C13orf42: variants seen among roughly 807,000 people sequenced by gnomAD.
C13orf42 encodes the protein uncharacterized protein C13orf42.
chr13:51,130,443 T>C (rs1171764567), intron 1 of C13orf42, among the ~76,000 whole-genome samples: 1 of 152,236 alleles, frequency 6.6e-6, no homozygotes, highest in Non-Finnish European at 1.5e-5. Flanking sequence ...GTAAAATGAC[T>C]GGTTGTTTAA....
At chr13:51,114,125 G>A (rs1333767760), upstream of C13orf42, among the ~76,000 whole-genome samples, 1 of 152,190 alleles carries the variant, frequency 6.6e-6, no homozygotes, top group Non-Finnish European at 1.5e-5. Context: ...AGGTGTAGAA[G>A]AGCTGACTGA....
chr13:51,147,356 C>T (rs2138035270), intron 1 of C13orf42, among the ~76,000 whole-genome samples: 1 of 152,294 alleles, frequency 6.6e-6, no homozygotes, highest in South Asian at 2.1e-4. Context: ...GGGGCAGGGG[C>T]CTGGGTCCCA....
intron 1 of C13orf42, among the ~76,000 whole-genome samples, chr13:51,130,647 G>C (rs894962210): frequency 3.3e-5 from 5 of 151,810 alleles, no homozygotes; most frequent in African/African-American, 9.7e-5. Flanking sequence ...GACACATGGA[G>C]TTAGACAACG....
chr13:51,106,415 C>A (rs977741969), intron 1 of C13orf42, among the ~76,000 whole-genome samples: 12 of 152,138 alleles, frequency 7.9e-5, no homozygotes, highest in Non-Finnish European at 1.5e-5. Flanking sequence ...ACTCTTGCAT[C>A]TTCTAGGTTA....
upstream of C13orf42, among the ~76,000 whole-genome samples, chr13:51,115,985 C>G (rs139054242): frequency 6.6e-6 from 1 of 152,008 alleles, no homozygotes; most frequent in Non-Finnish European, 1.5e-5. Flanking sequence ...TCCCTGGGCT[C>G]GGCCCTCCAC....
At chr13:51,163,883 G>A (rs7331971) in intron 1 of C13orf42, among the ~76,000 whole-genome samples, 2,577 of 152,166 alleles carry the variant, frequency 0.017, 73 homozygotes, top group African/African-American at 0.058. Context: ...ATGAAACACC[G>A]CAAGTGTTTA....
intron 1 of C13orf42, among the ~76,000 whole-genome samples, chr13:51,122,834 C>T (rs548982286): frequency 1.3e-5 from 2 of 152,272 alleles, no homozygotes; most frequent in African/African-American, 4.8e-5. Flanking sequence ...TTCTGATTAT[C>T]ATGTTAGAAA....
chr13:51,102,690 T>C (rs1283752646), intron 1 of C13orf42, among the ~76,000 whole-genome samples: 1 of 152,190 alleles, frequency 6.6e-6, no homozygotes, highest in Non-Finnish European at 1.5e-5. Flanking sequence ...TTCCTCTGAC[T>C]GTGGTGAGTG....
At chr13:51,135,743 C>G (rs9596465) in intron 1 of C13orf42, among the ~76,000 whole-genome samples, 10 of 152,070 alleles carry the variant, frequency 6.6e-5, no homozygotes, top group South Asian at 2.1e-4. Context: ...ATTCCTCCCC[C>G]ACCCTGGCTT....
chr13:51,150,110 G>A (rs1250373019), intron 1 of C13orf42, among the ~76,000 whole-genome samples: 3 of 152,198 alleles, frequency 2.0e-5, no homozygotes, highest in Non-Finnish European at 4.4e-5. Flanking sequence ...TAACAGAATT[G>A]CACAAGAATT....
At chr13:51,121,204 A>C (rs1953532705) in intron 1 of C13orf42, among the ~76,000 whole-genome samples, 1 of 152,164 alleles carries the variant, frequency 6.6e-6, no homozygotes, top group African/African-American at 2.4e-5. Context: ...CGAAGGATTC[A>C]CCAAGCAGAT....
At chr13:51,164,247 A>C (rs1462012298) in intron 1 of C13orf42, among the ~76,000 whole-genome samples, 1 of 152,206 alleles carries the variant, frequency 6.6e-6, no homozygotes, top group Non-Finnish European at 1.5e-5. Context: ...ACTGGACTGT[A>C]AGCTCCACTA....
At chr13:51,121,591 A>C (rs1004668864) in intron 1 of C13orf42, among the ~76,000 whole-genome samples, 9 of 145,792 alleles carry the variant, frequency 6.2e-5, no homozygotes, top group African/African-American at 2.3e-4. Flanking sequence ...GCTGGAGTGC[A>C]GTGGCGTGGT....
chr13:51,152,383 T>C (rs1182243522), intron 1 of C13orf42, among the ~76,000 whole-genome samples: 2 of 152,254 alleles, frequency 1.3e-5, no homozygotes, highest in Admixed American at 1.3e-4. Flanking sequence ...GGTCTCACTC[T>C]GTTGCCAGGG....
chr13:51,084,245 G>A lies in C13orf42; in HGVS notation c.884C>T (p.Pro295Leu), dbSNP rs1953097295. The change falls in exon 4 of 4, where the codon CCC becomes CTC. Residue 295 changes from proline to leucine, a missense_variant. Pro to Leu is a moderately conservative substitution (Grantham distance 98). Transcript: ENST00000563710. Reference protein sequence around the residue: ...EWDAELFALEPQLSPGEDYYE... With the variant: ...EWDAELFALELQLSPGEDYYE... ...GTAGTCCTCCCCAGGAGACAACTGG[G>A]GCTCCAACGCAAAGAGCTCTGCATC... is the stretch of plus-strand genomic sequence containing the variant. 6 of 398,578 alleles carry A rather than the reference G, an allele frequency of 1.5e-5. No homozygotes were observed. Among genetic ancestry groups the A allele is most frequent in the Admixed American group, 4.4e-5 (1 of 22,710 alleles). 24.7% of individuals were successfully genotyped at this position (398,578 alleles called of 1,614,324 possible).
chr13:51,130,862 A>AAAATAT (rs1555267618), intron 1 of C13orf42, among the ~76,000 whole-genome samples: 1 of 148,172 alleles, frequency 6.7e-6, no homozygotes, highest in African/African-American at 2.5e-5. Context: ...GTAAAAAAAA[A>AAAATAT]ATATATATAT....
chr13:51,131,523 A>G (rs1426388427), intron 1 of C13orf42, among the ~76,000 whole-genome samples: 1 of 152,186 alleles, frequency 6.6e-6, no homozygotes, highest in African/African-American at 2.4e-5. Flanking sequence ...GTTATCTGGG[A>G]AAAGGCCTAA....
chr13:51,153,630 CTTTTTTTTT>C (rs1206289963), intron 1 of C13orf42, among the ~76,000 whole-genome samples: 68 of 81,244 alleles, frequency 8.4e-4, no homozygotes, highest in Admixed American at 6.6e-3. Flanking sequence ...TGTTTTTTTT[CTTTTTTTTT>C]TTTTTTTTTT....
At chr13:51,136,046 G>A (rs1593547484) in intron 1 of C13orf42, among the ~76,000 whole-genome samples, 1 of 152,252 alleles carries the variant, frequency 6.6e-6, no homozygotes, top group Non-Finnish European at 1.5e-5. Flanking sequence ...TCACGGGTGA[G>A]AGTTAAGAGT....
Sources: gnomAD v4.1 joint callset for allele counts (sites outside exome capture counted in the v4.1 genomes callset) on GRCh38, gnomAD v4.1.1 for gene constraint, MANE v1.5 for transcripts, NCBI Gene and HGNC (gene_info 2026-07-23, HGNC 2026-07-21) for gene names.